MIR2052HG: variants seen among roughly 807,000 people sequenced by gnomAD.
The protein encoded by MIR2052HG is MIR2052 host gene.
At chr8:74,718,999 G>T (rs1242603066) in intron 4 of MIR2052HG, among the ~76,000 whole-genome samples, 1 of 151,882 alleles carries the variant, frequency 6.6e-6, no homozygotes, top group Admixed American at 6.6e-5. Context: ...AAAATTAGGA[G>T]GTTTATTATG....
At chr8:74,624,372 G>T (rs1270340702) in intron 2 of MIR2052HG, among the ~76,000 whole-genome samples, 1 of 152,254 alleles carries the variant, frequency 6.6e-6, no homozygotes, top group Non-Finnish European at 1.5e-5. Context: ...TGGGCAACCA[G>T]TGTGGTTTGA....
At chr8:74,714,845 C>T (rs758418654) in intron 4 of MIR2052HG, among the ~76,000 whole-genome samples, 13 of 151,850 alleles carry the variant, frequency 8.6e-5, no homozygotes, top group Non-Finnish European at 1.8e-4. Context: ...GCTGGGATTA[C>T]AGGCGCTGCT....
chr8:74,676,948 A>C (rs562983385), intron 2 of MIR2052HG, among the ~76,000 whole-genome samples: 1 of 152,014 alleles, frequency 6.6e-6, no homozygotes. Context: ...ACCATGCCTC[A>C]ATAAAGCTGG....
intron 5 of MIR2052HG, chr8:74,752,548 T>C: frequency 2.2e-6 from 1 of 454,234 alleles, no homozygotes; most frequent in Non-Finnish European, 4.4e-6. Flanking sequence ...GTAGGAAAGA[T>C]ATTTTCTCTC....
intron 4 of MIR2052HG, among the ~76,000 whole-genome samples, chr8:74,751,467 T>G (rs1170577320): frequency 1.3e-5 from 2 of 152,194 alleles, no homozygotes; most frequent in African/African-American, 4.8e-5. Context: ...TTAAATAAAG[T>G]GTCTCTAAAA....
At chr8:74,627,173 AG>A (rs1345174710) in intron 2 of MIR2052HG, among the ~76,000 whole-genome samples, 1 of 152,208 alleles carries the variant, frequency 6.6e-6, no homozygotes, top group Non-Finnish European at 1.5e-5. Flanking sequence ...TATATTTTCA[AG>A]ACATTATATA....
intron 2 of MIR2052HG, among the ~76,000 whole-genome samples, chr8:74,662,015 C>G (rs1381531784): frequency 6.6e-6 from 1 of 152,150 alleles, no homozygotes; most frequent in Non-Finnish European, 1.5e-5. Flanking sequence ...ATGGATATAA[C>G]TCTAAAATAC....
chr8:74,629,746 A>G (rs960895706), intron 2 of MIR2052HG, among the ~76,000 whole-genome samples: 2 of 152,188 alleles, frequency 1.3e-5, no homozygotes, highest in African/African-American at 4.8e-5. Flanking sequence ...GCCAACCACA[A>G]GAGTGACTGG....
chr8:74,627,969 C>T (rs1035393531), intron 2 of MIR2052HG, among the ~76,000 whole-genome samples: 3 of 152,118 alleles, frequency 2.0e-5, no homozygotes, highest in African/African-American at 7.2e-5. Flanking sequence ...TGATTGTTGG[C>T]TTAAGTTGAA....
intron 2 of MIR2052HG, among the ~76,000 whole-genome samples, chr8:74,642,191 T>A (rs549352069): frequency 3.9e-5 from 6 of 152,200 alleles, no homozygotes; most frequent in Non-Finnish European, 7.3e-5. Flanking sequence ...ATTTGCATGC[T>A]ATTTTTTTTC....
At chr8:74,634,267 C>T (rs538339114) in intron 2 of MIR2052HG, among the ~76,000 whole-genome samples, 2 of 152,178 alleles carry the variant, frequency 1.3e-5, no homozygotes, top group East Asian at 3.9e-4. Flanking sequence ...TTGCCAGTTC[C>T]CAGAATTAGA....
chr8:74,696,931 CG>C (rs1317636732), intron 2 of MIR2052HG, among the ~76,000 whole-genome samples: 1 of 151,736 alleles, frequency 6.6e-6, no homozygotes, highest in African/African-American at 2.4e-5. Context: ...CACTATTCCA[CG>C]AGATAGAGAA....
intron 5 of MIR2052HG, among the ~76,000 whole-genome samples, chr8:74,754,395 G>T (rs1809978413): frequency 6.6e-6 from 1 of 152,156 alleles, no homozygotes; most frequent in Admixed American, 6.6e-5. Context: ...CAGAGTGTTA[G>T]GCACATTTGG....
chr8:74,664,855 C>G (rs919021029), intron 2 of MIR2052HG, among the ~76,000 whole-genome samples: 1 of 152,280 alleles, frequency 6.6e-6, no homozygotes, highest in East Asian at 1.9e-4. Flanking sequence ...ACTCCAACAA[C>G]TTCCTGGACT....
At chr8:74,739,959 G>T (rs150568525) in intron 4 of MIR2052HG, among the ~76,000 whole-genome samples, 2 of 152,022 alleles carry the variant, frequency 1.3e-5, no homozygotes, top group Admixed American at 6.6e-5. Context: ...CTATTCTAAC[G>T]TCTAGATTTT....
At chr8:74,645,782 T>C (rs1808685059) in intron 2 of MIR2052HG, among the ~76,000 whole-genome samples, 1 of 152,220 alleles carries the variant, frequency 6.6e-6, no homozygotes, top group South Asian at 2.1e-4. Context: ...CAGGGCAACA[T>C]GTATCTCTCA....
At chr8:74,718,717 A>G (rs1198636144) in intron 4 of MIR2052HG, among the ~76,000 whole-genome samples, 1 of 152,158 alleles carries the variant, frequency 6.6e-6, no homozygotes, top group Non-Finnish European at 1.5e-5. Flanking sequence ...AAGGATGGGT[A>G]ATGGTGAGGA....
intron 4 of MIR2052HG, among the ~76,000 whole-genome samples, chr8:74,716,451 G>T (rs188260612): frequency 6.6e-6 from 1 of 152,162 alleles, no homozygotes; most frequent in Admixed American, 6.5e-5. Context: ...AGTGGCTCAT[G>T]CCTGTAATTC....
intron 1 of MIR2052HG, among the ~76,000 whole-genome samples, chr8:74,602,817 G>GTTTCCTTCTTTCTTTC (rs1808023071): frequency 1.4e-5 from 1 of 73,786 alleles, no homozygotes; most frequent in African/African-American, 6.3e-5. Context: ...GCCCGGCCGT[G>GTTTCCTTCTTTCTTTC]TTTCTTTCTT....
Sources: gnomAD v4.1 joint callset for allele counts (sites outside exome capture counted in the v4.1 genomes callset) on GRCh38, gnomAD v4.1.1 for gene constraint, MANE v1.5 for transcripts, NCBI Gene and HGNC (gene_info 2026-07-23, HGNC 2026-07-21) for gene names.